The following CD36 variants were observed in gnomAD, a reference collection of about 807,000 sequenced individuals.
CD36 encodes the protein CD36 molecule (CD36 blood group).
In CD36, 119 loss-of-function variants were observed where a neutral mutation model predicts 55.2. The observed-to-expected ratio is 2.15, with a 90% CI of 1.86 to 2.51. CD36 has a LOEUF of 2.51. Among genes scored for constraint, CD36 ranks in the 30% most tolerant of loss-of-function variants. The pLI is 0.00. For synonymous variants in CD36, 186 were observed against 193.6 expected (o/e 0.96, Z 0.33); for missense variants, 819 against 555.5 (o/e 1.47, Z -4.77).
Position 80,677,711 on chromosome 7 carries a change from A to G in CD36, c.*1328A>G, listed in dbSNP as rs914481356. The G allele has an allele frequency of 1.3e-5, 2 of 152,182 alleles. 1 individual carries two copies. Among genetic ancestry groups the G allele is most frequent in the Admixed American group, 1.3e-4 (2 of 15,278 alleles). The allele number at this position is 152,182 out of a possible 1,614,324, so 9.4% of individuals were successfully genotyped here. ...AGGATATTTGTGGACATGTCCATCT[A>G]ATATAAAGGAAAGTTTTTTAATCAT... On this transcript the variant is annotated 3_prime_UTR_variant, in exon 15 of 15. Transcript: ENST00000447544.
intron 1 of CD36, among the ~76,000 whole-genome samples, chr7:80,605,200 C>T (rs1212728886): frequency 1.3e-5 from 2 of 152,140 alleles, no homozygotes; most frequent in Admixed American, 6.6e-5. Flanking sequence ...GATGGAGTTG[C>T]TATCTTTCAC....
intron 1 of CD36, among the ~76,000 whole-genome samples, chr7:80,602,620 G>A (rs546455084): frequency 6.6e-6 from 1 of 152,098 alleles, no homozygotes; most frequent in Non-Finnish European, 1.5e-5. Flanking sequence ...TCCATAGGAT[G>A]CTATGGATTT....
chr7:80,653,328 A>G (rs3211843), intron 3 of CD36, among the ~76,000 whole-genome samples: 3,145 of 152,340 alleles, frequency 0.021, 121 homozygotes, highest in African/African-American at 0.071. Flanking sequence ...GGGCATTTTA[A>G]TAATGAAAGT....
intron 1 of CD36, among the ~76,000 whole-genome samples, chr7:80,644,594 T>C (rs1795023063): frequency 6.6e-6 from 1 of 152,206 alleles, no homozygotes. Flanking sequence ...TTTTCTTAGC[T>C]CTACAGGTAA....
At position 80,664,421 on chromosome 7, in the gene CD36, G is replaced by C. The variant is rs150674228; in HGVS notation, c.625G>C (p.Asp209His). Residue 209 changes from aspartate to histidine, a missense_variant, in exon 7 of 15, where the codon GAT becomes CAT. By Grantham distance (81) the Asp-to-His change is moderately conservative. Coordinates refer to ENST00000447544, the MANE Select transcript of CD36 (RefSeq NM_001001548.3). ...TATATTTCAGTACAACAATACTGCA[G>C]ATGGAGTTTATAAAGTTTTCAATGG... ...GLFYPYNNTA[D>H]GVYKVFNGKD... 172 of 1,557,852 alleles carry C rather than the reference G, an allele frequency of 1.1e-4. No individual in the cohort carries two copies. The highest frequency in any genetic ancestry group is 1.4e-4 in the Non-Finnish European group (158 of 1,129,102).
rs747823458 is a variant in CD36, at chr7:80,656,521, CTTA to C, written c.121-16_121-14del. 1 of 1,612,092 alleles carries C rather than the reference CTTA, an allele frequency of 6.2e-7. No individual in the cohort carries two copies. The highest frequency in any genetic ancestry group is 2.2e-5 in the East Asian group (1 of 44,732). ...ACTTACTACAAAGACATAACCCAAACTTATTTTCTTTTTCATAGCAAGTTGTCC... is the reference window on the plus strand; with the variant it reads ...ACTTACTACAAAGACATAACCCAAACTTTTCTTTTTCATAGCAAGTTGTCC... On this transcript the variant is annotated splice_polypyrimidine_tract_variant and intron_variant, in intron 3 of 14. Transcript: ENST00000447544.
chr7:80,627,540 C>A (rs2116016680), intron 1 of CD36, among the ~76,000 whole-genome samples: 1 of 151,672 alleles, frequency 6.6e-6, no homozygotes, highest in Middle Eastern at 3.4e-3. Flanking sequence ...CTAAACAACC[C>A]AAAGGAATCA....
chr7:80,605,625 T>A (rs1792502782), intron 1 of CD36, among the ~76,000 whole-genome samples: 1 of 152,186 alleles, frequency 6.6e-6, no homozygotes, highest in Non-Finnish European at 1.5e-5. Flanking sequence ...GCTAAGTAAC[T>A]TCACACAACA....
Position 80,673,425 on chromosome 7 carries a change from T to C in CD36, c.1254+16T>C. The C allele has an allele frequency of 6.6e-7, 1 of 1,506,316 alleles. No individual in the cohort carries two copies. Among genetic ancestry groups the C allele is most frequent in the Non-Finnish European group, 9.2e-7 (1 of 1,082,624 alleles). The allele number at this position is 1,506,316 out of a possible 1,614,324, so 93.3% of individuals were successfully genotyped here. ...GCTTAATGAGGTTTGTATTTGCAGC[T>C]GTTAGTCATTAAAAACAACCTTCTT... On this transcript the variant is annotated intron_variant, in intron 13 of 14. Transcript: ENST00000447544.
chr7:80,622,984 T>G (rs532447728), intron 1 of CD36, among the ~76,000 whole-genome samples: 2 of 145,856 alleles, frequency 1.4e-5, no homozygotes, highest in East Asian at 4.1e-4. Context: ...AACTAAACTT[T>G]AGACAACAGT....
intron 7 of CD36, among the ~76,000 whole-genome samples, chr7:80,665,312 A>G: frequency 6.8e-6 from 1 of 147,622 alleles, no homozygotes; most frequent in East Asian, 1.9e-4. Flanking sequence ...TTCTCCATAA[A>G]ATTAACAATT....
intron 6 of CD36, 98 bp from the exon 7 acceptor site, chr7:80,664,308 A>G: frequency 1.3e-6 from 1 of 750,702 alleles, no homozygotes; most frequent in East Asian, 2.5e-5. Flanking sequence ...AAGTCATTTG[A>G]GTAACCAGTG....
At chr7:80,649,680 CA>C (rs545586732) in intron 3 of CD36, among the ~76,000 whole-genome samples, 30 of 152,012 alleles carry the variant, frequency 2.0e-4, no homozygotes, top group African/African-American at 7.0e-4. Flanking sequence ...TTTCAAAGGT[CA>C]GAGTTCAAAT....
intron 6 of CD36, among the ~76,000 whole-genome samples, chr7:80,664,186 T>C (rs1796798158): frequency 6.6e-6 from 1 of 152,140 alleles, no homozygotes; most frequent in Non-Finnish European, 1.5e-5. Context: ...GTTCACATCA[T>C]GTCAGCTTCT....
At chr7:80,615,452 T>C (rs1025509714) in intron 1 of CD36, among the ~76,000 whole-genome samples, 1 of 152,190 alleles carries the variant, frequency 6.6e-6, no homozygotes, top group Non-Finnish European at 1.5e-5. Context: ...CCTTTTTGCC[T>C]CTGAATTTAT....
intron 1 of CD36, among the ~76,000 whole-genome samples, chr7:80,622,497 A>T (rs1387216259): frequency 6.6e-6 from 1 of 152,258 alleles, no homozygotes; most frequent in Non-Finnish European, 1.5e-5. Context: ...AAAAGAGATA[A>T]AAAGTGGACA....
chr7:80,666,964 ATG>A (rs1797148707), intron 8 of CD36, among the ~76,000 whole-genome samples: 2 of 152,214 alleles, frequency 1.3e-5, no homozygotes, highest in South Asian at 4.1e-4. Flanking sequence ...GGTGGTCAGA[ATG>A]AGAGAGAAAA....
intron 3 of CD36, among the ~76,000 whole-genome samples, chr7:80,650,044 CCTT>C (rs1359533675): frequency 1.3e-5 from 2 of 152,006 alleles, no homozygotes; most frequent in African/African-American, 4.8e-5. Flanking sequence ...GAGTGCTTTT[CCTT>C]CTTGTTTTTG....
chr7:80,653,077 GATT>G (rs762031709), intron 3 of CD36, among the ~76,000 whole-genome samples: 9 of 152,118 alleles, frequency 5.9e-5, no homozygotes, highest in Non-Finnish European at 1.2e-4. Flanking sequence ...CAATGATGAT[GATT>G]ATTATTAAGT....
Sources: gnomAD v4.1 joint callset for allele counts (sites outside exome capture counted in the v4.1 genomes callset) on GRCh38, gnomAD v4.1.1 for gene constraint, MANE v1.5 for transcripts, NCBI Gene and HGNC (gene_info 2026-07-23, HGNC 2026-07-21) for gene names.